IL13: variants seen among roughly 807,000 people sequenced by gnomAD.
The protein encoded by IL13 is interleukin 13.
A neutral mutation model predicts 11.1 loss-of-function variants in IL13; 9 were observed. The observed-to-expected ratio is 0.81, with a 90% CI of 0.49 to 1.42. The LOEUF is 1.42. Among genes scored for constraint, IL13 ranks in the 40% most tolerant of loss-of-function variants. The pLI is 0.00. For synonymous variants in IL13, 75 were observed against 76.9 expected, an observed-to-expected ratio of 0.97 and a Z score of 0.13; for missense variants, 181 against 182.5, an observed-to-expected ratio of 0.99 and a Z score of 0.05.
chr5:132,659,864 A>G lies in IL13; in HGVS notation c.333+36A>G. On this transcript the variant is annotated intron_variant, in intron 3 of 3. Transcript: ENST00000304506. This position sits in a 1 kb window ranked among gnomAD's most constrained non-coding sequence, Gnocchi z 4.1. ...CCCCACCCTCTCACACCCACCCTGC[A>G]CCCCCTCCTGCCAACCCTGGGCTCG... 6.2e-7 allele frequency: 1 copy of G among 1,604,554 alleles called. No homozygotes were observed. Among genetic ancestry groups the G allele is most frequent in the Non-Finnish European group, 8.5e-7 (1 of 1,176,322 alleles).
At position 132,658,221 on chromosome 5, in the gene IL13, T is replaced by G. The variant is rs1752075130; in HGVS notation, c.35T>G (p.Leu12Arg). 4 of 1,612,384 alleles carry G rather than the reference T, an allele frequency of 2.5e-6. No individual in the cohort carries two copies. The highest frequency in any genetic ancestry group is 3.4e-6 in the Non-Finnish European group (4 of 1,178,742). Residue 12 changes from leucine to arginine, a missense_variant, in exon 1 of 4, where the codon CTG becomes CGG. Coordinates refer to ENST00000304506, the MANE Select transcript of IL13 (RefSeq NM_002188.3). ...CTCCTCAATCCTCTCCTGTTGGCAC[T>G]GGGCCTCATGGCGCTTTTGTTGACC... ...HPLLNPLLLALGLMALLLTTV... is the reference protein window; with the variant it reads ...HPLLNPLLLARGLMALLLTTV...
intron 3 of IL13, 134 bp from the exon 4 acceptor site, chr5:132,660,041 G>A (rs1752119121): frequency 1.7e-6 from 2 of 1,202,416 alleles, no homozygotes. Context: ...CTGTACAGTA[G>A]AGGTACTAAC....
In IL13 at chr5:132,661,021, A is replaced by C. The variant is rs1318612635; in HGVS notation, c.*739A>C. ...TGTTAGCAAAGAGTTAATATATAGA[A>C]GGGTACCTTGAACACTGGGGGAGGG... On this transcript the variant is annotated 3_prime_UTR_variant, in exon 4 of 4. Coordinates refer to ENST00000304506, the MANE Select transcript of IL13 (RefSeq NM_002188.3). The C allele has an allele frequency of 6.6e-6, 1 of 152,538 alleles. No individual in the cohort carries two copies. The highest frequency in any genetic ancestry group is 1.5e-5 in the Non-Finnish European group (1 of 68,062). 9.4% of individuals were successfully genotyped at this position (152,538 alleles called of 1,614,324 possible).
chr5:132,658,236 T>A lies in IL13; in HGVS notation c.50T>A (p.Leu17His). 1.2e-6 allele frequency: 2 copies of A among 1,612,066 alleles called. No homozygotes were observed. The highest frequency in any genetic ancestry group is 1.7e-6 in the Non-Finnish European group (2 of 1,178,192). Residue 17 changes from leucine to histidine, a missense_variant, in exon 1 of 4, where the codon CTT becomes CAT. Leu to His is a moderately conservative substitution (Grantham distance 99, BLOSUM62 -3). Coordinates refer to ENST00000304506, the MANE Select transcript of IL13 (RefSeq NM_002188.3). The stretch of plus-strand genomic sequence containing the variant: ...CTGTTGGCACTGGGCCTCATGGCGC[T>A]TTTGTTGACCACGGTCATTGCTCTC... ...PLLLALGLMA[L>H]LLTTVIALTC...
At position 132,660,176 on chromosome 5, in the gene IL13, A is replaced by T. The variant is rs1284670898; in HGVS notation, c.335A>T (p.Gln112Leu). ...GFCPHKVSAG[Q>L]FSSLHVRDTK... ...TGTGCTGACCTCTTTGTCCTGCAGC[A>T]GTTTTCCAGCTTGCATGTCCGAGAC... Residue 112 changes from glutamine (Q) to leucine (L), a missense_variant and splice_region_variant, in exon 4 of 4, where the codon CAG becomes CTG. Physicochemically the swap from Gln to Leu is moderately radical, Grantham distance 113. Transcript: ENST00000304506. The T allele has an allele frequency of 6.2e-7, 1 of 1,614,016 alleles. No individual in the cohort carries two copies. The highest frequency in any genetic ancestry group is 1.7e-5 in the Admixed American group (1 of 60,026).
rs1028048466 is a variant in IL13 at position 132,659,920 on chromosome 5, G to T, written c.333+92G>T. 2 of 1,537,580 alleles carry T rather than the reference G, an allele frequency of 1.3e-6. No homozygotes were observed. Among genetic ancestry groups the T allele is most frequent in the Admixed American group, 2.0e-5 (1 of 51,106 alleles). On this transcript the variant is annotated intron_variant, in intron 3 of 3. Coordinates refer to ENST00000304506, the MANE Select transcript of IL13 (RefSeq NM_002188.3). The surrounding 1 kb of genome is among the most constrained non-coding windows in gnomAD (Gnocchi z 4.1). ...GGGAAGCTGGCTGAATATCCATGGT[G>T]TGTGTCCACCCAGGGGTGGGGCCAT...
At chr5:132,657,371 T>G (rs1752057434), upstream of IL13, 1 of 151,928 alleles carries the variant, frequency 6.6e-6, no homozygotes, top group Non-Finnish European at 1.5e-5. Context: ...CACTTTAAAT[T>G]AAAGGGGCCA....
rs1205549487 is a variant in IL13, at chr5:132,659,866, C to T, written c.333+38C>T. 6.2e-7 allele frequency: 1 copy of T among 1,605,818 alleles called. No individual in the cohort carries two copies. The highest frequency in any genetic ancestry group is 2.0e-4 in the Middle Eastern group (1 of 4,910). On this transcript the variant is annotated intron_variant, in intron 3 of 3. Transcript: ENST00000304506. The surrounding 1 kb of genome is among the most constrained non-coding windows in gnomAD (Gnocchi z 4.1). ...CCACCCTCTCACACCCACCCTGCAC[C>T]CCCTCCTGCCAACCCTGGGCTCGCT...
intron 3 of IL13, 86 bp from the exon 4 acceptor site, chr5:132,660,089 G>A: frequency 7.2e-7 from 1 of 1,394,572 alleles, no homozygotes; most frequent in Non-Finnish European, 1.0e-6. Flanking sequence ...AGGACTGAAT[G>A]AGACAGTCCC....
chr5:132,658,037 G>A (rs1581034230), upstream of IL13: 8 of 552,038 alleles, frequency 1.4e-5, no homozygotes, highest in East Asian at 6.0e-5. Flanking sequence ...TCCTTTATGC[G>A]ACACTGGATT....
chr5:132,659,760 G>A lies in IL13; in HGVS notation c.265G>A (p.Gly89Ser), dbSNP rs1331010842. 6.2e-7 allele frequency: 1 copy of A among 1,614,008 alleles called. No individual in the cohort carries two copies. Among genetic ancestry groups the A allele is most frequent in the South Asian group, 1.1e-5 (1 of 91,072 alleles). The change falls in exon 3 of 4, where the codon GGC (glycine) becomes AGC (serine). Residue 89 changes from glycine (G) to serine (S), a missense_variant. Gly to Ser is a moderately conservative substitution (Grantham distance 56). Coordinates refer to ENST00000304506, the MANE Select transcript of IL13 (RefSeq NM_002188.3). This position sits in a 1 kb window ranked among gnomAD's most constrained non-coding sequence, Gnocchi z 4.1. ...CCTGGAATCCCTGATCAACGTGTCAGGCTGCAGTGCCATCGAGAAGACCCA... is the reference window on the plus strand; with the variant it reads ...CCTGGAATCCCTGATCAACGTGTCAAGCTGCAGTGCCATCGAGAAGACCCA... ...AALESLINVSGCSAIEKTQRM... is the reference protein window; with the variant it reads ...AALESLINVSSCSAIEKTQRM...
In IL13 at chr5:132,660,312, C is replaced by G; in HGVS notation, c.*30C>G. On this transcript the variant is annotated 3_prime_UTR_variant, in exon 4 of 4. Transcript: ENST00000304506. ...TCGAAAGCATCATTATTTGCAGAGA[C>G]AGGACCTGACTATTGAAGTTGCAGA... 6.2e-7 allele frequency: 1 copy of G among 1,607,074 alleles called. No homozygotes were observed. Among genetic ancestry groups the G allele is most frequent in the Non-Finnish European group, 8.5e-7 (1 of 1,178,102 alleles).
At position 132,660,230 on chromosome 5, in the gene IL13, A is replaced by C; in HGVS notation, c.389A>C (p.Lys130Thr). ...DTKIEVAQFV[K>T]DLLLHLKKLF... ...AAAATCGAGGTGGCCCAGTTTGTAAAGGACCTGCTCTTACATTTAAAGAAA... is the reference window on the plus strand; with the variant it reads ...AAAATCGAGGTGGCCCAGTTTGTAACGGACCTGCTCTTACATTTAAAGAAA... Residue 130 changes from lysine to threonine, a missense_variant, in exon 4 of 4, where the codon AAG (lysine) becomes ACG (threonine). Transcript: ENST00000304506. 1 of 1,614,198 alleles carries C rather than the reference A, an allele frequency of 6.2e-7. No individual in the cohort carries two copies. Among genetic ancestry groups the C allele is most frequent in the Non-Finnish European group, 8.5e-7 (1 of 1,180,026 alleles).
Position 132,659,287 on chromosome 5 carries a change from C to T in IL13, c.175-131C>T. 3 of 700,780 alleles carry T rather than the reference C, an allele frequency of 4.3e-6. No homozygotes were observed. Among genetic ancestry groups the T allele is most frequent in the Non-Finnish European group, 5.3e-6 (2 of 380,428 alleles). 43.4% of individuals were successfully genotyped at this position (700,780 alleles called of 1,614,324 possible). On this transcript the variant is annotated intron_variant, in intron 1 of 3. Transcript: ENST00000304506. This position sits in a 1 kb window ranked among gnomAD's most constrained non-coding sequence, Gnocchi z 4.1. ...AACGAAGCTCAGGAATGCTGAGGGG[C>T]TGCCAGGCCTGCCTCTGTGCCACAC...
rs746751863 is a variant in IL13 at position 132,658,287 on chromosome 5, C to T, written c.101C>T (p.Pro34Leu). ...ALTCLGGFAS[P>L]GPVPPSTALR... Reference sequence around the variant, plus strand: ...ACTTGCCTTGGCGGCTTTGCCTCCCCAGGCCCTGTGCCTCCCTCTACAGCC... The same window carrying T: ...ACTTGCCTTGGCGGCTTTGCCTCCCTAGGCCCTGTGCCTCCCTCTACAGCC... Residue 34 changes from proline (P) to leucine (L), a missense_variant, in exon 1 of 4, where the codon CCA becomes CTA. By Grantham distance (98) the Pro-to-Leu change is moderately conservative. Coordinates refer to ENST00000304506, the MANE Select transcript of IL13 (RefSeq NM_002188.3). 3.1e-6 allele frequency: 5 copies of T among 1,608,870 alleles called. No homozygotes were observed. The highest frequency in any genetic ancestry group is 4.5e-5 in the East Asian group (2 of 44,850).
rs1752132600 is a variant in IL13 at position 132,660,495 on chromosome 5, C to A, written c.*213C>A. 1 of 742,156 alleles carries A rather than the reference C, an allele frequency of 1.3e-6. No individual in the cohort carries two copies. Among genetic ancestry groups the A allele is most frequent in the Non-Finnish European group, 2.0e-6 (1 of 492,346 alleles). 46.0% of individuals were successfully genotyped at this position (742,156 alleles called of 1,614,324 possible). ...GCCCAGGGCTCAGCCTGGTGGGCCT[C>A]CTCTGTCCAGGGCCCTGAGCTCGGT... is the stretch of plus-strand genomic sequence containing the variant. On this transcript the variant is annotated 3_prime_UTR_variant, in exon 4 of 4. Coordinates refer to ENST00000304506, the MANE Select transcript of IL13 (RefSeq NM_002188.3).
Position 132,660,163 on chromosome 5 carries a change from T to C in IL13, c.334-12T>C. The C allele has an allele frequency of 1.2e-6, 2 of 1,613,768 alleles. No individual in the cohort carries two copies. Among genetic ancestry groups the C allele is most frequent in the South Asian group, 2.2e-5 (2 of 91,046 alleles). On this transcript the variant is annotated splice_polypyrimidine_tract_variant and intron_variant, in intron 3 of 3. Transcript: ENST00000304506. ...GGCGTTCTACTCATGTGCTGACCTC[T>C]TTGTCCTGCAGCAGTTTTCCAGCTT...
chr5:132,656,664 C>G (rs1294179647), upstream of IL13: 1 of 152,648 alleles, frequency 6.6e-6, no homozygotes, highest in Non-Finnish European at 1.5e-5. Flanking sequence ...TCACGGAGAC[C>G]CTGTGGGAGA....
Position 132,659,651 on chromosome 5 carries a change from C to A in IL13, c.229-73C>A. On this transcript the variant is annotated intron_variant, in intron 2 of 3. Transcript: ENST00000304506. The surrounding 1 kb of genome is among the most constrained non-coding windows in gnomAD (Gnocchi z 4.1). ...ACTCACCTGCGCCAGGCATCTCAGC[C>A]CCATCTTCCTGCAGACTCACAAAAG... 5 of 1,600,622 alleles carry A rather than the reference C, an allele frequency of 3.1e-6. No individual in the cohort carries two copies. The highest frequency in any genetic ancestry group is 3.4e-6 in the Non-Finnish European group (4 of 1,170,922).
Sources: gnomAD v4.1 joint callset for allele counts on GRCh38, gnomAD v4.1.1 for gene constraint, Gnocchi (gnomAD v3.1) non-coding constraint, MANE v1.5 for transcripts, NCBI Gene and HGNC (gene_info 2026-07-23, HGNC 2026-07-21) for gene names.